NFASC: variants seen among roughly 807,000 people sequenced by gnomAD.
NFASC encodes neurofascin homolog.
NFASC carries 43 observed loss-of-function variants against 147.5 expected under a neutral mutation model. The observed-to-expected ratio is 0.29, with a 90% confidence interval of 0.23 to 0.38. The LOEUF (loss-of-function observed/expected upper bound fraction) is 0.38, where lower values mean the gene tolerates loss of function less well. NFASC is among the 10% of genes least tolerant of loss of function. The pLI is 1.00. For missense variants in NFASC, 1,320 were observed against 1,689.0 expected (o/e 0.78, Z 3.83); for synonymous variants, 622 against 665.5 (o/e 0.93, Z 1.01).
intron 1 of NFASC, among the ~76,000 whole-genome samples, chr1:204,895,218 A>G (rs896448139): frequency 6.6e-6 from 1 of 152,058 alleles, no homozygotes; most frequent in East Asian, 1.9e-4. Flanking sequence ...TGCTCACACC[A>G]CAACCCAATA....
chr1:204,879,650 T>C (rs2079734418), intron 1 of NFASC, among the ~76,000 whole-genome samples: 1 of 152,214 alleles, frequency 6.6e-6, no homozygotes, highest in African/African-American at 2.4e-5. Flanking sequence ...TATAGAGGAC[T>C]GTGGGATTTA....
chr1:204,968,409 G>A lies in NFASC; in HGVS notation c.818+49G>A. On this transcript the variant is annotated intron_variant, in intron 9 of 29. Transcript: ENST00000339876. This position sits in a 1 kb window ranked among gnomAD's most constrained non-coding sequence, Gnocchi z 5.4. ...TTCTAGCCACCCTCCAGGAGGATGG[G>A]GATGGGAGCTTGTTCATGCTCTTGT... The A allele has an allele frequency of 2.2e-6, 3 of 1,383,768 alleles. No homozygotes were observed. Among genetic ancestry groups the A allele is most frequent in the Non-Finnish European group, 3.1e-6 (3 of 971,282 alleles). The allele number at this position is 1,383,768 out of a possible 1,614,324, so 85.7% of individuals were successfully genotyped here. A position where few individuals can be genotyped will look rare whatever the true frequency, so the allele number is the denominator to read the frequency against.
At chr1:204,939,034 ATGGATGTGTG>A (rs1161341136) in intron 2 of NFASC, among the ~76,000 whole-genome samples, 10 of 61,410 alleles carry the variant, frequency 1.6e-4, no homozygotes, top group Middle Eastern at 0.015. Flanking sequence ...TCCTGTATGG[ATGGATGTGTG>A]TGTGTGTGTG....
chr1:204,875,024 G>A (rs1367888175), intron 1 of NFASC, among the ~76,000 whole-genome samples: 1 of 152,134 alleles, frequency 6.6e-6, no homozygotes, highest in Non-Finnish European at 1.5e-5. Context: ...ACTTGCCTAA[G>A]GTTACACAGC....
chr1:204,895,499 C>T (rs1330029155), intron 1 of NFASC, among the ~76,000 whole-genome samples: 1 of 152,192 alleles, frequency 6.6e-6, no homozygotes, highest in Non-Finnish European at 1.5e-5. Context: ...GATGTGCATC[C>T]ATTCTCACAG....
At chr1:204,908,035 G>A (rs2086384156) in intron 1 of NFASC, among the ~76,000 whole-genome samples, 1 of 152,162 alleles carries the variant, frequency 6.6e-6, no homozygotes, top group South Asian at 2.1e-4. Flanking sequence ...GAGCCAGAGT[G>A]CAGTGGTGCA....
intron 27 of NFASC, chr1:205,008,951 G>C: frequency 6.0e-6 from 1 of 167,906 alleles, no homozygotes. Flanking sequence ...GGATCCACTA[G>C]AGAGATGTGA....
Position 204,974,166 on chromosome 1 carries a change from C to T in NFASC, c.1280-13C>T, listed in dbSNP as rs768737231. 2 of 1,609,666 alleles carry T rather than the reference C, an allele frequency of 1.2e-6. No homozygotes were observed. The highest frequency in any genetic ancestry group is 1.7e-6 in the Non-Finnish European group (2 of 1,177,158). On this transcript the variant is annotated splice_polypyrimidine_tract_variant and intron_variant, in intron 12 of 29. Transcript: ENST00000339876. ...AGACTTGGCACTCGAGATTGCTTCTCTGGGAATTTCAGATGTGCCGCCTCG... is the reference window on the plus strand; with the variant it reads ...AGACTTGGCACTCGAGATTGCTTCTTTGGGAATTTCAGATGTGCCGCCTCG...
chr1:204,861,078 C>CTTT (rs1162020795), intron 1 of NFASC, among the ~76,000 whole-genome samples: 15 of 68,946 alleles, frequency 2.2e-4, no homozygotes, highest in East Asian at 6.4e-4. Context: ...ACTTGCTTTC[C>CTTT]TTTTTTTTTT....
At chr1:204,838,494 C>T (rs1674399271) in intron 1 of NFASC, among the ~76,000 whole-genome samples, 1 of 152,158 alleles carries the variant, frequency 6.6e-6, no homozygotes, top group Admixed American at 6.5e-5. Context: ...TGAGAAAAAC[C>T]ATCCATGATG....
At chr1:205,000,002 A>G (rs1425522063) in intron 25 of NFASC, 2 of 152,194 alleles carry the variant, frequency 1.3e-5, no homozygotes, top group East Asian at 3.8e-4. Context: ...CTCTTGCAAA[A>G]TGATTACGTT....
At position 204,979,103 on chromosome 1, in the gene NFASC, A is replaced by G; in HGVS notation, c.1978+34A>G. 1.3e-6 allele frequency: 2 copies of G among 1,511,342 alleles called. No homozygotes were observed. Among genetic ancestry groups the G allele is most frequent in the Non-Finnish European group, 1.8e-6 (2 of 1,112,168 alleles). 93.6% of individuals were successfully genotyped at this position (1,511,342 alleles called of 1,614,324 possible). ...GGGCCTTGCACCCCAAAGCTGGAAA[A>G]GAGGGACGGCAACACCCTTAAACCG... is the stretch of plus-strand genomic sequence containing the variant. On this transcript the variant is annotated intron_variant, in intron 18 of 29. Transcript: ENST00000339876. The surrounding 1 kb of genome is among the most constrained non-coding windows in gnomAD (Gnocchi z 6.0).
At chr1:204,924,657 A>G (rs1208225024) in intron 2 of NFASC, among the ~76,000 whole-genome samples, 3 of 152,214 alleles carry the variant, frequency 2.0e-5, no homozygotes, top group African/African-American at 7.2e-5. Flanking sequence ...CTCTGGTCTA[A>G]AGTAGACTGC....
intron 1 of NFASC, among the ~76,000 whole-genome samples, chr1:204,844,665 G>A (rs1676429864): frequency 6.6e-6 from 1 of 152,150 alleles, no homozygotes; most frequent in South Asian, 2.1e-4. Context: ...CAGATCACTT[G>A]GGCTCAATGT....
intron 1 of NFASC, among the ~76,000 whole-genome samples, chr1:204,844,940 C>G (rs1012599143): frequency 6.6e-6 from 1 of 152,060 alleles, no homozygotes; most frequent in Admixed American, 6.6e-5. Flanking sequence ...GCATATCCCC[C>G]CAAGTCTGCG....
chr1:204,915,470 T>C (rs1225671581), intron 1 of NFASC, among the ~76,000 whole-genome samples: 1 of 152,120 alleles, frequency 6.6e-6, no homozygotes, highest in Admixed American at 6.5e-5. Context: ...TACAACAAAC[T>C]AGTAACTGGT....
intron 21 of NFASC, chr1:204,984,250 T>C (rs2095562435): frequency 4.1e-6 from 3 of 735,848 alleles, no homozygotes; most frequent in Non-Finnish European, 7.1e-6. Context: ...GCGTTGTTTA[T>C]TGAATCCAGG....
At chr1:204,935,506 G>C (rs1437556523) in intron 2 of NFASC, among the ~76,000 whole-genome samples, 1 of 152,176 alleles carries the variant, frequency 6.6e-6, no homozygotes. Flanking sequence ...AGCTTTCCTG[G>C]TCAGTTCTGA....
chr1:204,870,677 G>A, intron 1 of NFASC: 1 of 1,079,274 alleles, frequency 9.3e-7, no homozygotes, highest in Non-Finnish European at 1.1e-6. Flanking sequence ...CGGTGAGCGA[G>A]TGAGCAAGCC....
Sources: allele counts gnomAD v4.1 joint callset (sites outside exome capture counted in the v4.1 genomes callset), GRCh38; gene constraint gnomAD v4.1.1; non-coding constraint Gnocchi (gnomAD v3.1); transcripts MANE v1.5; gene names NCBI Gene and HGNC (gene_info 2026-07-23, HGNC 2026-07-21).